The following DIS3L2 variants were observed in gnomAD, a reference collection of about 807,000 sequenced individuals.
DIS3L2 encodes the protein DIS3 like 3'-5' exoribonuclease 2.
Under a neutral mutation model 97.5 loss-of-function variants are expected in DIS3L2, and 34 were observed. The observed-to-expected ratio is 0.35, with a 90% CI of 0.27 to 0.46. DIS3L2 has a LOEUF of 0.46. DIS3L2 is among the 20% of genes least tolerant of loss of function. The probability of loss-of-function intolerance (pLI) is 1.00; values close to 1 mark genes in which losing one functional copy is unlikely to be tolerated. For missense variants in DIS3L2, 1,038 were observed against 1,146.0 expected (o/e 0.91, Z 1.36); for synonymous variants, 435 against 445.2 (o/e 0.98, Z 0.29).
chr2:232,193,332 A>G (rs1234201504), intron 9 of DIS3L2, among the ~76,000 whole-genome samples: 2 of 152,236 alleles, frequency 1.3e-5, no homozygotes, highest in Non-Finnish European at 2.9e-5. Context: ...CTTACTAGGT[A>G]TATAATCTTG....
rs940997014 is a variant in DIS3L2, at chr2:232,288,744, G to C, written c.1660-11296G>C. 7.2e-5 allele frequency among the ~76,000 whole-genome samples: 11 copies of C among 152,120 alleles called. 1 individual carries two copies. Among genetic ancestry groups the C allele is most frequent in the Non-Finnish European group, 1.5e-5 (1 of 68,034 alleles). The stretch of plus-strand genomic sequence containing the variant: ...TTTCTTTTTTTTCCATGAACTGAAT[G>C]CCTACCATTATGGTCATTGTTTCAT... On this transcript the variant is annotated intron_variant, in intron 13 of 20. Transcript: ENST00000325385.
In DIS3L2 at chr2:232,310,542, C is replaced by T. The variant is rs149256886; in HGVS notation, c.1739+10423C>T. On this transcript the variant is annotated intron_variant, in intron 14 of 20. Coordinates refer to ENST00000325385, the MANE Select transcript of DIS3L2 (RefSeq NM_152383.5). ...TGCTCTCTTCTCACCTCACTCCGTG[C>T]AGCAGCAATCAGGATATTTTGTCTG... Among the ~76,000 whole-genome samples the T allele has an allele frequency of 8.5e-3, 1,292 of 152,370 alleles. 23 individuals carry two copies. The highest frequency in any genetic ancestry group is 0.049 in the Admixed American group (748 of 15,310).
chr2:232,137,539 C>CT (rs1698392808), intron 8 of DIS3L2, among the ~76,000 whole-genome samples: 1 of 152,182 alleles, frequency 6.6e-6, no homozygotes, highest in Non-Finnish European at 1.5e-5. Flanking sequence ...TGTTGGTCAT[C>CT]TAACTTGTAC....
At chr2:232,128,451 ATTTTT>A (rs10682281) in intron 6 of DIS3L2, among the ~76,000 whole-genome samples, 8 of 71,694 alleles carry the variant, frequency 1.1e-4, no homozygotes, top group African/African-American at 2.4e-4. Flanking sequence ...AACTTTGCTA[ATTTTT>A]TTTTTTTTTT....
chr2:232,207,943 A>G (rs2106215054), intron 9 of DIS3L2, among the ~76,000 whole-genome samples: 1 of 152,350 alleles, frequency 6.6e-6, no homozygotes, highest in Admixed American at 6.5e-5. Flanking sequence ...ATTGCAGTGA[A>G]AAATTTTAAA....
chr2:232,194,883 A>G (rs1691707479), intron 9 of DIS3L2, among the ~76,000 whole-genome samples: 1 of 152,166 alleles, frequency 6.6e-6, no homozygotes, highest in Non-Finnish European at 1.5e-5. Flanking sequence ...GTGGGAGTAG[A>G]GAAGTAGCAC....
intron 13 of DIS3L2, among the ~76,000 whole-genome samples, chr2:232,297,509 G>A (rs1288743035): frequency 6.6e-6 from 1 of 152,146 alleles, no homozygotes; most frequent in Non-Finnish European, 1.5e-5. Context: ...GGGACCAAAA[G>A]ACACAGGAAA....
At chr2:232,160,412 G>A (rs986200712) in intron 8 of DIS3L2, among the ~76,000 whole-genome samples, 1 of 152,172 alleles carries the variant, frequency 6.6e-6, no homozygotes, top group African/African-American at 2.4e-5. Flanking sequence ...CATCCAAGAT[G>A]TTGAATTTAT....
At chr2:232,322,599 G>A (rs1015193004) in intron 14 of DIS3L2, among the ~76,000 whole-genome samples, 3 of 152,228 alleles carry the variant, frequency 2.0e-5, no homozygotes, top group African/African-American at 7.2e-5. Context: ...TGCTGAAGGG[G>A]ATCTGACCTG....
At chr2:232,056,199 C>T (rs181796637) in intron 5 of DIS3L2, among the ~76,000 whole-genome samples, 3 of 152,088 alleles carry the variant, frequency 2.0e-5, no homozygotes, top group East Asian at 1.9e-4. Context: ...GGTGAAACCC[C>T]GTTTCTACTA....
chr2:232,269,177 CTG>C lies in DIS3L2; in HGVS notation c.1659+5741_1659+5742del, dbSNP rs538946267. On this transcript the variant is annotated intron_variant, in intron 13 of 20. Coordinates refer to ENST00000325385, the MANE Select transcript of DIS3L2 (RefSeq NM_152383.5). The surrounding 1 kb of genome is among the most constrained non-coding windows in gnomAD (Gnocchi z 4.5). Reference sequence around the variant, plus strand: ...ATGGCAAAATGTAGCGCTAAGGAAACTGTGTAGCATTTCTCCCCCACACTGCC... The same window carrying C: ...ATGGCAAAATGTAGCGCTAAGGAAACTGTAGCATTTCTCCCCCACACTGCC... Among the ~76,000 whole-genome samples the C allele has an allele frequency of 1.8e-4, 27 of 152,272 alleles. 2 individuals are homozygous for C. The East Asian group carries it at 3.9e-3, about 22-fold the overall frequency.
chr2:232,288,568 G>A (rs780506801), intron 13 of DIS3L2, among the ~76,000 whole-genome samples: 1 of 152,178 alleles, frequency 6.6e-6, no homozygotes, highest in Non-Finnish European at 1.5e-5. Context: ...AGAGCTGCTG[G>A]CTCCCCGCTT....
At chr2:232,328,103 T>G (rs1575021886) in intron 14 of DIS3L2, among the ~76,000 whole-genome samples, 2 of 151,860 alleles carry the variant, frequency 1.3e-5, no homozygotes, top group Non-Finnish European at 2.9e-5. Flanking sequence ...GGCTGGGAGG[T>G]GGGGTGGCAC....
At chr2:232,260,900 T>G (rs184282275) in intron 12 of DIS3L2, among the ~76,000 whole-genome samples, 1 of 152,252 alleles carries the variant, frequency 6.6e-6, no homozygotes, top group Admixed American at 6.5e-5. Flanking sequence ...TCAACTGGCT[T>G]TTTCGGAAAG....
At chr2:232,200,123 G>A (rs755851305) in intron 9 of DIS3L2, among the ~76,000 whole-genome samples, 2 of 152,124 alleles carry the variant, frequency 1.3e-5, no homozygotes, top group Non-Finnish European at 2.9e-5. Flanking sequence ...AAGGCCATTG[G>A]GAACTGGAAA....
At chr2:232,070,432 C>T (rs1695980522) in intron 5 of DIS3L2, among the ~76,000 whole-genome samples, 2 of 152,074 alleles carry the variant, frequency 1.3e-5, no homozygotes, top group Non-Finnish European at 2.9e-5. Context: ...TTATTTCTGG[C>T]ATCAAAAATA....
intron 8 of DIS3L2, among the ~76,000 whole-genome samples, chr2:232,156,646 T>G (rs1393932261): frequency 6.6e-6 from 1 of 152,190 alleles, no homozygotes; most frequent in Non-Finnish European, 1.5e-5. Flanking sequence ...CTTTTCTATT[T>G]TAGGCATAAG....
rs747955751 is a variant in DIS3L2, at chr2:232,329,906, C to A, written c.1833C>A (p.Pro611=). Residue 611 remains proline (P), a synonymous_variant, in exon 15 of 21, where the codon CCC becomes CCA. Transcript: ENST00000325385. ...AGCAGGCCCTGCTGCGCCGGCACCC[C>A]CCGCCCCAAACAAGGATGCTCAGTG... ...FPEQALLRRH[P]PPQTRMLSDL... 1.5e-5 allele frequency: 24 copies of A among 1,612,806 alleles called. No homozygotes were observed. Among genetic ancestry groups the A allele is most frequent in the Non-Finnish European group, 1.9e-5 (22 of 1,179,780 alleles).
chr2:232,336,648 C>T lies in DIS3L2; in HGVS notation c.*18C>T, dbSNP rs538449626. On this transcript the variant is annotated 3_prime_UTR_variant, in exon 21 of 21. Coordinates refer to ENST00000325385, the MANE Select transcript of DIS3L2 (RefSeq NM_152383.5). ...CCAGCTGAGCTCCACCAGCCGCCTG[C>T]CCCGCCTGCCCCGCCTGCCTGTCCC... 6.6e-5 allele frequency: 99 copies of T among 1,503,730 alleles called. 1 individual carries two copies. The East Asian group carries it at 2.2e-3, about 33-fold the overall frequency. The allele number at this position is 1,503,730 out of a possible 1,614,324, so 93.1% of individuals were successfully genotyped here.
Sources: gnomAD v4.1 joint callset for allele counts (sites outside exome capture counted in the v4.1 genomes callset) on GRCh38, gnomAD v4.1.1 for gene constraint, Gnocchi (gnomAD v3.1) non-coding constraint, MANE v1.5 for transcripts, NCBI Gene and HGNC (gene_info 2026-07-23, HGNC 2026-07-21) for gene names.